Variants in CSMD1 observed in about 807,000 individuals in gnomAD.
The protein encoded by CSMD1 is CUB and Sushi multiple domains 1.
Under a neutral mutation model 417.5 loss-of-function variants are expected in CSMD1, and 213 were observed. The ratio of observed to expected loss-of-function variants is 0.51; its 90% CI spans 0.46 to 0.57. The LOEUF (loss-of-function observed/expected upper bound fraction) is 0.57, where lower values mean the gene tolerates loss of function less well. Among genes scored for constraint, CSMD1 ranks in the 20% least tolerant of loss-of-function variants. CSMD1 has a pLI of 0.00. For missense variants in CSMD1, 6,923 were observed against 4,529.7 expected (o/e 1.53, Z -15.17); for synonymous variants, 2,862 against 1,736.8 (o/e 1.65, Z -16.11).
chr8:4,919,638 T>C (rs1041470141), intron 1 of CSMD1, among the ~76,000 whole-genome samples: 1 of 152,230 alleles, frequency 6.6e-6, no homozygotes, highest in Non-Finnish European at 1.5e-5. Flanking sequence ...AAAGTTTTAA[T>C]ATCGATACTC....
intron 5 of CSMD1, among the ~76,000 whole-genome samples, chr8:3,864,821 A>G (rs1804970976): frequency 1.3e-5 from 2 of 152,324 alleles, no homozygotes; most frequent in East Asian, 1.9e-4. Flanking sequence ...TATTTGTTAT[A>G]CAGAAACATT....
chr8:2,995,162 A>G (rs1279301163), intron 54 of CSMD1, among the ~76,000 whole-genome samples: 1 of 152,268 alleles, frequency 6.6e-6, no homozygotes, highest in Non-Finnish European at 1.5e-5. Context: ...ACTATTACAC[A>G]GAATAAAGAA....
chr8:4,677,696 C>A (rs950979548), intron 1 of CSMD1, among the ~76,000 whole-genome samples: 1 of 152,090 alleles, frequency 6.6e-6, no homozygotes, highest in Non-Finnish European at 1.5e-5. Context: ...CTTTGACTCA[C>A]CGTTAGATGC....
At chr8:4,274,763 G>C (rs993106289) in intron 3 of CSMD1, among the ~76,000 whole-genome samples, 3 of 152,070 alleles carry the variant, frequency 2.0e-5, no homozygotes, top group Non-Finnish European at 2.9e-5. Context: ...GGAGATACGG[G>C]ATTATTAGAA....
At chr8:4,713,259 G>A (rs183462606) in intron 1 of CSMD1, among the ~76,000 whole-genome samples, 18 of 152,362 alleles carry the variant, frequency 1.2e-4, no homozygotes, top group Admixed American at 9.8e-4. Flanking sequence ...CAGAAGGAAT[G>A]CGGAGCAGGA....
intron 1 of CSMD1, among the ~76,000 whole-genome samples, chr8:4,847,331 A>T (rs1385187539): frequency 6.6e-6 from 1 of 152,222 alleles, no homozygotes; most frequent in East Asian, 1.9e-4. Context: ...GATCTTGCAC[A>T]TTTGAATCCT....
intron 6 of CSMD1, among the ~76,000 whole-genome samples, chr8:3,717,366 T>A (rs1184076148): frequency 6.6e-6 from 1 of 152,214 alleles, no homozygotes; most frequent in South Asian, 2.1e-4. Context: ...AGTCCCACTA[T>A]AATAAAAGAT....
intron 26 of CSMD1, among the ~76,000 whole-genome samples, chr8:3,270,856 G>A (rs977310396): frequency 1.3e-5 from 2 of 152,020 alleles, no homozygotes; most frequent in Admixed American, 6.6e-5. Flanking sequence ...CACATGGCTG[G>A]GGAGGCCTCA....
chr8:3,778,012 A>G (rs1420622843), intron 5 of CSMD1, among the ~76,000 whole-genome samples: 3 of 152,202 alleles, frequency 2.0e-5, no homozygotes, highest in East Asian at 1.9e-4. Flanking sequence ...CCTGCAGCCT[A>G]AGAAACTCTG....
intron 3 of CSMD1, among the ~76,000 whole-genome samples, chr8:4,341,138 C>G (rs1040108658): frequency 2.0e-5 from 3 of 152,088 alleles, no homozygotes; most frequent in African/African-American, 7.2e-5. Flanking sequence ...GTAACAAGGC[C>G]TATCCAAGCA....
intron 2 of CSMD1, among the ~76,000 whole-genome samples, chr8:4,569,452 G>C (rs1443166366): frequency 6.6e-6 from 1 of 152,120 alleles, no homozygotes; most frequent in Non-Finnish European, 1.5e-5. Flanking sequence ...TCAGATGGTT[G>C]TAGATGTGTG....
intron 41 of CSMD1, among the ~76,000 whole-genome samples, chr8:3,120,653 C>A (rs1487864061): frequency 1.3e-5 from 2 of 151,658 alleles, no homozygotes; most frequent in East Asian, 3.9e-4. Flanking sequence ...TTGAGACCAG[C>A]CTGAACAACA....
intron 26 of CSMD1, among the ~76,000 whole-genome samples, chr8:3,281,777 T>A (rs13270081): frequency 6.6e-6 from 1 of 152,008 alleles, no homozygotes; most frequent in Non-Finnish European, 1.5e-5. Flanking sequence ...CTCATTGATA[T>A]GGTTTGGATC....
chr8:3,416,463 C>T (rs1813158741), intron 12 of CSMD1, among the ~76,000 whole-genome samples: 1 of 152,048 alleles, frequency 6.6e-6, no homozygotes, highest in Non-Finnish European at 1.5e-5. Flanking sequence ...GATTTTTAAA[C>T]ATCCAATTTC....
chr8:3,631,122 C>T (rs754266008), intron 7 of CSMD1, among the ~76,000 whole-genome samples: 25 of 152,184 alleles, frequency 1.6e-4, no homozygotes, highest in Non-Finnish European at 2.9e-4. Flanking sequence ...GGTATCAGCT[C>T]AGATGTCATC....
chr8:3,691,771 CACATTT>C (rs1800257327), intron 7 of CSMD1, among the ~76,000 whole-genome samples: 1 of 152,072 alleles, frequency 6.6e-6, no homozygotes, highest in Non-Finnish European at 1.5e-5. Flanking sequence ...CCATTTTTTA[CACATTT>C]ATTTCTCTTT....
chr8:4,255,987 T>G (rs531238519), intron 3 of CSMD1, among the ~76,000 whole-genome samples: 78 of 152,312 alleles, frequency 5.1e-4, no homozygotes, highest in African/African-American at 1.9e-3. Flanking sequence ...TACGACTACG[T>G]GCAGGGTAGA....
At chr8:3,500,724 C>T (rs916623384) in intron 10 of CSMD1, among the ~76,000 whole-genome samples, 1 of 152,052 alleles carries the variant, frequency 6.6e-6, no homozygotes, top group Non-Finnish European at 1.5e-5. Context: ...TAAGATGAGA[C>T]GTGTGGGCTT....
At chr8:3,975,277 GCTAT>G (rs1813355264) in intron 5 of CSMD1, among the ~76,000 whole-genome samples, 1 of 152,062 alleles carries the variant, frequency 6.6e-6, no homozygotes, top group South Asian at 2.1e-4. Flanking sequence ...TGGGGTTGTT[GCTAT>G]TTTATTTTAT....
Sources: allele counts gnomAD v4.1 joint callset (sites outside exome capture counted in the v4.1 genomes callset), GRCh38; gene constraint gnomAD v4.1.1; transcripts MANE v1.5; gene names NCBI Gene and HGNC (gene_info 2026-07-23, HGNC 2026-07-21).